MARK1: variants seen among roughly 807,000 people sequenced by gnomAD.
The protein encoded by MARK1 is microtubule affinity regulating kinase 1, also known as serine/threonine-protein kinase MARK1.
A neutral mutation model predicts 96.3 loss-of-function variants in MARK1; 40 were observed. The observed-to-expected ratio is 0.42, with a 90% CI of 0.32 to 0.54. The LOEUF (loss-of-function observed/expected upper bound fraction) is 0.54. MARK1 is among the 20% of genes least tolerant of loss of function. MARK1 has a pLI of 0.16. For synonymous variants in MARK1, 317 were observed against 341.2 expected (o/e 0.93, Z 0.78); for missense variants, 719 against 984.6 (o/e 0.73, Z 3.61).
intron 9 of MARK1, among the ~76,000 whole-genome samples, chr1:220,619,603 T>C (rs1666945780): frequency 6.6e-6 from 1 of 152,246 alleles, no homozygotes. Flanking sequence ...GTTGCCTACA[T>C]ATGTTCTGTA....
At chr1:220,536,860 C>T (rs538869073) in intron 1 of MARK1, among the ~76,000 whole-genome samples, 58 of 152,236 alleles carry the variant, frequency 3.8e-4, no homozygotes, top group African/African-American at 1.3e-3. Context: ...GGATTACAGG[C>T]GTGAGCCACT....
intron 3 of MARK1, among the ~76,000 whole-genome samples, chr1:220,592,732 T>C (rs1665081906): frequency 6.6e-6 from 1 of 152,214 alleles, no homozygotes; most frequent in African/African-American, 2.4e-5. Flanking sequence ...GGGACCTAGA[T>C]AACCTCTGGT....
At chr1:220,638,687 TA>T (rs1013368749) in intron 13 of MARK1, among the ~76,000 whole-genome samples, 9 of 151,996 alleles carry the variant, frequency 5.9e-5, no homozygotes, top group South Asian at 2.1e-4. Context: ...ATCATTTTTT[TA>T]AAAAAAACAT....
At chr1:220,536,521 G>C (rs990328200) in intron 1 of MARK1, among the ~76,000 whole-genome samples, 1 of 151,320 alleles carries the variant, frequency 6.6e-6, no homozygotes, top group Non-Finnish European at 1.5e-5. Flanking sequence ...GGCTACATTA[G>C]AGTGGGTGAA....
intron 16 of MARK1, among the ~76,000 whole-genome samples, chr1:220,655,274 TCTCA>T (rs1262269251): frequency 1.3e-5 from 2 of 152,174 alleles, no homozygotes; most frequent in Non-Finnish European, 2.9e-5. Context: ...CTCTTGGTGA[TCTCA>T]GTCAGGCTCA....
At chr1:220,642,235 C>T (rs1239204679) in intron 13 of MARK1, among the ~76,000 whole-genome samples, 1 of 152,190 alleles carries the variant, frequency 6.6e-6, no homozygotes, top group African/African-American at 2.4e-5. Context: ...CCTAAGATGA[C>T]CAAGTTCCCA....
chr1:220,538,039 C>T (rs1480553544), intron 1 of MARK1, among the ~76,000 whole-genome samples: 1 of 152,076 alleles, frequency 6.6e-6, no homozygotes, highest in South Asian at 2.1e-4. Flanking sequence ...CCTGTTTACT[C>T]TGATGGTAGT....
At chr1:220,630,203 A>C (rs1667594030) in intron 9 of MARK1, among the ~76,000 whole-genome samples, 1 of 152,230 alleles carries the variant, frequency 6.6e-6, no homozygotes, top group Non-Finnish European at 1.5e-5. Flanking sequence ...GATGTTGAGC[A>C]TCTTTTCACA....
chr1:220,641,199 A>T (rs1484018187), intron 13 of MARK1, among the ~76,000 whole-genome samples: 4 of 152,236 alleles, frequency 2.6e-5, no homozygotes, highest in African/African-American at 9.6e-5. Flanking sequence ...AAAATGATGT[A>T]AACCACTGTG....
At position 220,631,095 on chromosome 1, in the gene MARK1, A is replaced by C; in HGVS notation, c.970A>C (p.Thr324Pro). ...TGAAGAGGAAGAACTAAAGCCATAT[A>C]CTGAGCCTGATCCGGATTTCAATGA... ...GHEEEELKPY[T>P]EPDPDFNDTK... The change falls in exon 10 of 18, where the codon ACT becomes CCT. Residue 324 changes from threonine (T) to proline (P), a missense_variant. Transcript: ENST00000366917. 1 of 1,613,118 alleles carries C rather than the reference A, an allele frequency of 6.2e-7. No homozygotes were observed.
chr1:220,530,531 A>G (rs182095245), intron 1 of MARK1, among the ~76,000 whole-genome samples: 25 of 152,282 alleles, frequency 1.6e-4, no homozygotes, highest in African/African-American at 6.0e-4. Context: ...GGAAAAATAC[A>G]TTGTTTTTAT....
intron 1 of MARK1, among the ~76,000 whole-genome samples, chr1:220,533,992 G>T (rs906601034): frequency 6.6e-6 from 1 of 151,752 alleles, no homozygotes; most frequent in Non-Finnish European, 1.5e-5. Context: ...ATATAACCCT[G>T]TTAACCTATC....
chr1:220,601,353 T>G (rs1665739326), intron 5 of MARK1, among the ~76,000 whole-genome samples: 1 of 151,310 alleles, frequency 6.6e-6, no homozygotes, highest in Non-Finnish European at 1.5e-5. Flanking sequence ...TCAGTGTAGG[T>G]TCTTTGACTT....
intron 9 of MARK1, chr1:220,625,725 T>A: frequency 2.3e-6 from 1 of 428,278 alleles, no homozygotes; most frequent in Non-Finnish European, 4.7e-6. Context: ...ATGGGAGGGA[T>A]GGAAGGCAAG....
intron 3 of MARK1, among the ~76,000 whole-genome samples, chr1:220,586,446 A>G (rs979953674): frequency 6.6e-6 from 1 of 152,136 alleles, no homozygotes; most frequent in African/African-American, 2.4e-5. Flanking sequence ...TGTTAAATCC[A>G]CTTACCCTCC....
rs1668981280 is a variant in MARK1, at chr1:220,653,208, A to G, written c.1844A>G (p.His615Arg). The change falls in exon 16 of 18, where the codon CAT (histidine) becomes CGT (arginine). Residue 615 changes from histidine (H) to arginine (R), a missense_variant. Coordinates refer to ENST00000366917, the MANE Select transcript of MARK1 (RefSeq NM_018650.5). The stretch of plus-strand genomic sequence containing the variant: ...GGGAGCTCAAGCCGAAGCACTTTCC[A>G]TGGTGAACAGCTCCGGGAGCGACGC... ...PRGSSSRSTF[H>R]GEQLRERRSV... 6.2e-7 allele frequency: 1 copy of G among 1,614,244 alleles called. No homozygotes were observed. The highest frequency in any genetic ancestry group is 8.5e-7 in the Non-Finnish European group (1 of 1,180,056).
At chr1:220,557,670 CAG>C (rs1464629138) in intron 1 of MARK1, among the ~76,000 whole-genome samples, 1 of 151,934 alleles carries the variant, frequency 6.6e-6, no homozygotes, top group Non-Finnish European at 1.5e-5. Flanking sequence ...GAGAAGGAAA[CAG>C]AATTTAGAGG....
chr1:220,605,282 A>G (rs1385601247), intron 6 of MARK1, among the ~76,000 whole-genome samples: 2 of 152,206 alleles, frequency 1.3e-5, no homozygotes, highest in South Asian at 2.1e-4. Context: ...AGGTATGCAT[A>G]GCACTTTTAT....
At chr1:220,553,038 AAG>A (rs1661975513) in intron 1 of MARK1, among the ~76,000 whole-genome samples, 1 of 152,230 alleles carries the variant, frequency 6.6e-6, no homozygotes, top group South Asian at 2.1e-4. Context: ...TGGCTGGAGA[AAG>A]AGAGTAACTG....
Sources: gnomAD v4.1 joint callset for allele counts (sites outside exome capture counted in the v4.1 genomes callset) on GRCh38, gnomAD v4.1.1 for gene constraint, MANE v1.5 for transcripts, NCBI Gene and HGNC (gene_info 2026-07-23, HGNC 2026-07-21) for gene names.